Variants in NT5DC1 observed in about 807,000 individuals in gnomAD.
The protein encoded by NT5DC1 is 5'-nucleotidase domain-containing protein 1.
NT5DC1 carries 42 observed loss-of-function variants against 59.4 expected under a neutral mutation model. That is an observed-to-expected ratio of 0.71 (90% CI 0.55 to 0.92). The LOEUF (loss-of-function observed/expected upper bound fraction) is 0.92, where lower values mean the gene tolerates loss of function less well. NT5DC1 is among the 40% of genes least tolerant of loss of function. NT5DC1 has a pLI of 0.00. For missense variants in NT5DC1, 501 were observed against 537.1 expected (o/e 0.93, Z 0.66); for synonymous variants, 172 against 188.1 (o/e 0.91, Z 0.70).
intron 6 of NT5DC1, among the ~76,000 whole-genome samples, chr6:116,150,614 G>A (rs1460623811): frequency 2.6e-5 from 4 of 152,154 alleles, no homozygotes; most frequent in Non-Finnish European, 2.9e-5. Flanking sequence ...TTAGAATGGG[G>A]CAGTGGAAAT....
chr6:116,156,796 G>A (rs1439049718), intron 6 of NT5DC1, among the ~76,000 whole-genome samples: 1 of 152,152 alleles, frequency 6.6e-6, no homozygotes, highest in East Asian at 1.9e-4. Flanking sequence ...GAAGAAAGTA[G>A]AGATCAGATA....
At chr6:116,188,453 A>C (rs1324972088) in intron 6 of NT5DC1, among the ~76,000 whole-genome samples, 1 of 152,076 alleles carries the variant, frequency 6.6e-6, no homozygotes, top group Non-Finnish European at 1.5e-5. Context: ...GTGACATTCT[A>C]TTCATCAATG....
intron 6 of NT5DC1, among the ~76,000 whole-genome samples, chr6:116,136,661 A>G (rs772760012): frequency 1.3e-5 from 2 of 152,178 alleles, no homozygotes; most frequent in Non-Finnish European, 2.9e-5. Flanking sequence ...CTGTTCTGAT[A>G]TGGCAGTATC....
At chr6:116,138,829 T>G (rs1779690248) in intron 6 of NT5DC1, among the ~76,000 whole-genome samples, 1 of 152,144 alleles carries the variant, frequency 6.6e-6, no homozygotes, top group African/African-American at 2.4e-5. Flanking sequence ...TGATTACAAC[T>G]ATGATATTGA....
intron 2 of NT5DC1, 114 bp from the exon 3 acceptor site, chr6:116,108,250 C>A: frequency 1.4e-6 from 1 of 696,252 alleles, no homozygotes; most frequent in South Asian, 1.6e-5. Flanking sequence ...ACATATCATT[C>A]CCCTGGGTGG....
At chr6:116,175,290 A>G (rs1780710917) in intron 6 of NT5DC1, among the ~76,000 whole-genome samples, 1 of 152,130 alleles carries the variant, frequency 6.6e-6, no homozygotes, top group South Asian at 2.1e-4. Flanking sequence ...ACTATAGGTT[A>G]GTTTTAGAAA....
chr6:116,113,887 G>A (rs985140947), intron 4 of NT5DC1, among the ~76,000 whole-genome samples: 1 of 152,166 alleles, frequency 6.6e-6, no homozygotes, highest in East Asian at 1.9e-4. Context: ...TGACCATGAA[G>A]TTGGGTCAGT....
intron 6 of NT5DC1, among the ~76,000 whole-genome samples, chr6:116,161,819 A>G (rs895644723): frequency 6.6e-6 from 1 of 152,232 alleles, no homozygotes; most frequent in East Asian, 1.9e-4. Context: ...TGCTTTGGGC[A>G]GTATAGTCAT....
chr6:116,231,151 C>CCA (rs1554202026), intron 8 of NT5DC1, among the ~76,000 whole-genome samples: 4 of 145,058 alleles, frequency 2.8e-5, no homozygotes, highest in Non-Finnish European at 6.0e-5. Context: ...TGGTAAATCC[C>CCA]CCCCCCAAAC....
chr6:116,177,020 A>G (rs1038922193), intron 6 of NT5DC1, among the ~76,000 whole-genome samples: 1 of 152,230 alleles, frequency 6.6e-6, no homozygotes, highest in Non-Finnish European at 1.5e-5. Flanking sequence ...CATATATGCT[A>G]CAAAATGTCC....
intron 8 of NT5DC1, among the ~76,000 whole-genome samples, chr6:116,230,063 C>T (rs1781988486): frequency 6.6e-6 from 1 of 152,176 alleles, no homozygotes; most frequent in African/African-American, 2.4e-5. Flanking sequence ...TTGTCTTCAC[C>T]CTTTTACCTC....
intron 6 of NT5DC1, among the ~76,000 whole-genome samples, chr6:116,167,402 C>T (rs1281619303): frequency 6.6e-6 from 1 of 151,818 alleles, no homozygotes; most frequent in Non-Finnish European, 1.5e-5. Context: ...TTAGTAGATA[C>T]AGTGTTTCAC....
chr6:116,115,780 G>T lies in NT5DC1; in HGVS notation c.444+10G>T, dbSNP rs773199901. The T allele has an allele frequency of 2.8e-5, 41 of 1,448,684 alleles. No homozygotes were observed. The highest frequency in any genetic ancestry group is 3.8e-5 in the Non-Finnish European group (39 of 1,030,138). The allele number at this position is 1,448,684 out of a possible 1,614,324, so 89.7% of individuals were successfully genotyped here. ...GGACTATTTAACAAAAGTAAGTGGG[G>T]ACTCATTTTTTAAAACTATGATATG... On this transcript the variant is annotated intron_variant, in intron 5 of 11. Transcript: ENST00000319550.
intron 3 of NT5DC1, chr6:116,110,644 C>T (rs879705410): frequency 1.5e-6 from 1 of 649,910 alleles, no homozygotes; most frequent in African/African-American, 1.8e-5. Flanking sequence ...TCACCTGCTA[C>T]TTGATGGATT....
intron 8 of NT5DC1, among the ~76,000 whole-genome samples, chr6:116,227,734 G>A (rs936387011): frequency 2.5e-4 from 38 of 151,852 alleles, no homozygotes; most frequent in Admixed American, 2.0e-3. Flanking sequence ...GCACTTTTTC[G>A]TATAACTGCT....
At chr6:116,152,100 G>A (rs1365540485) in intron 6 of NT5DC1, among the ~76,000 whole-genome samples, 2 of 152,220 alleles carry the variant, frequency 1.3e-5, no homozygotes, top group Non-Finnish European at 2.9e-5. Context: ...AGGAGGTGGA[G>A]TGAGATTTGT....
chr6:116,182,307 G>A (rs1030100178), intron 6 of NT5DC1, among the ~76,000 whole-genome samples: 3 of 150,716 alleles, frequency 2.0e-5, no homozygotes, highest in Non-Finnish European at 4.4e-5. Context: ...ATTTGGGCTG[G>A]TTCCACATTT....
At chr6:116,227,035 T>C (rs985256190) in intron 8 of NT5DC1, among the ~76,000 whole-genome samples, 5 of 152,166 alleles carry the variant, frequency 3.3e-5, no homozygotes, top group African/African-American at 1.2e-4. Context: ...CAATATATTA[T>C]TTTTAACTCT....
At chr6:116,178,108 TGC>T (rs56720674) in intron 6 of NT5DC1, among the ~76,000 whole-genome samples, 5,329 of 107,298 alleles carry the variant, frequency 0.05, 281 homozygotes, top group African/African-American at 0.14. Context: ...CGCGCGTGCG[TGC>T]GTGTGTGTGT....
Sources: allele counts gnomAD v4.1 joint callset (sites outside exome capture counted in the v4.1 genomes callset), GRCh38; gene constraint gnomAD v4.1.1; transcripts MANE v1.5; gene names NCBI Gene and HGNC (gene_info 2026-07-23, HGNC 2026-07-21).